The following FBXO31 variants were observed in gnomAD, a reference collection of about 807,000 sequenced individuals.
FBXO31 encodes F-box only protein 31.
In FBXO31, 24 loss-of-function variants were observed where a neutral mutation model predicts 54.4. The observed-to-expected ratio is 0.44, with a 90% CI of 0.32 to 0.62. The LOEUF is 0.62. Ranked by LOEUF, FBXO31 falls within the 20% of genes least tolerant of loss-of-function variation. The pLI is 0.05. For missense variants in FBXO31, 665 were observed against 787.1 expected (o/e 0.84, Z 1.86); for synonymous variants, 388 against 335.6 (o/e 1.16, Z -1.71).
At chr16:87,337,609 A>C (rs373786633) in intron 5 of FBXO31, among the ~76,000 whole-genome samples, 16 of 152,330 alleles carry the variant, frequency 1.1e-4, no homozygotes, top group African/African-American at 3.8e-4. Flanking sequence ...GGAGCCCAGA[A>C]ACCCTCATGT....
At chr16:87,362,733 G>C (rs1351078349) in intron 1 of FBXO31, 1 of 152,198 alleles carries the variant, frequency 6.6e-6, no homozygotes, top group Non-Finnish European at 1.5e-5. Flanking sequence ...GCCAATTTTT[G>C]TATTTTTAGT....
chr16:87,364,389 G>T (rs1906265466), intron 1 of FBXO31, among the ~76,000 whole-genome samples: 1 of 152,240 alleles, frequency 6.6e-6, no homozygotes, highest in African/African-American at 2.4e-5. Flanking sequence ...AGCAGGCCCT[G>T]GATGGCCAGG....
intron 1 of FBXO31, among the ~76,000 whole-genome samples, chr16:87,372,330 A>T (rs1906637706): frequency 1.3e-5 from 2 of 152,192 alleles, no homozygotes; most frequent in African/African-American, 4.8e-5. Context: ...TTGCAAAAAT[A>T]TAGAGAACTG....
intron 2 of FBXO31, among the ~76,000 whole-genome samples, 172 bp from the exon 3 acceptor site, chr16:87,347,422 G>A (rs550291967): frequency 4.0e-4 from 61 of 152,220 alleles, no homozygotes; most frequent in Middle Eastern, 3.4e-3. Flanking sequence ...GGCCGGGTGC[G>A]GTGGCTCACG....
chr16:87,347,056 T>G (rs1384664498), intron 3 of FBXO31, 118 bp downstream of exon 3: 2 of 881,842 alleles, frequency 2.3e-6, no homozygotes, highest in Non-Finnish European at 1.9e-6. Context: ...TTTTGGTAAT[T>G]ACCTCAAACG....
At position 87,336,020 on chromosome 16, in the gene FBXO31, C is replaced by T. The variant is rs1905036552; in HGVS notation, c.842+135G>A. On this transcript the variant is annotated intron_variant, in intron 6 of 8. Coordinates refer to ENST00000311635, the MANE Select transcript of FBXO31 (RefSeq NM_024735.5). This position sits in a 1 kb window ranked among gnomAD's most constrained non-coding sequence, Gnocchi z 6.5. Reference sequence around the variant, plus strand: ...AGAGAGAGGGGCTGTACTCCCAGCCCCCAGCAGGAGAGAGGGCTGAACCCC... The same window carrying T: ...AGAGAGAGGGGCTGTACTCCCAGCCTCCAGCAGGAGAGAGGGCTGAACCCC... The T allele has an allele frequency of 1.5e-6, 1 of 659,364 alleles. No individual in the cohort carries two copies. Among genetic ancestry groups the T allele is most frequent in the African/African-American group, 1.8e-5 (1 of 54,536 alleles). 40.8% of individuals were successfully genotyped at this position (659,364 alleles called of 1,614,324 possible).
At chr16:87,337,734 C>A (rs1230938071) in intron 5 of FBXO31, among the ~76,000 whole-genome samples, 1 of 152,092 alleles carries the variant, frequency 6.6e-6, no homozygotes, top group Non-Finnish European at 1.5e-5. Context: ...GGAACCACGA[C>A]CCCGCCTTAT....
intron 1 of FBXO31, among the ~76,000 whole-genome samples, chr16:87,374,908 C>A (rs1481026551): frequency 2.0e-5 from 3 of 152,190 alleles, no homozygotes; most frequent in African/African-American, 7.2e-5. Context: ...GCCGACTGGG[C>A]GTAATGGCTC....
intron 5 of FBXO31, among the ~76,000 whole-genome samples, chr16:87,340,333 T>A (rs1205152940): frequency 6.6e-6 from 1 of 152,174 alleles, no homozygotes; most frequent in Non-Finnish European, 1.5e-5. Flanking sequence ...GGTACTGACA[T>A]GTGGACAGAC....
At chr16:87,343,191 T>A (rs1044178814) in intron 4 of FBXO31, among the ~76,000 whole-genome samples, 1 of 152,176 alleles carries the variant, frequency 6.6e-6, no homozygotes, top group African/African-American at 2.4e-5. Context: ...TTTCCCAGCG[T>A]GACACAGAGC....
rs1188806353 is a variant in FBXO31 at position 87,383,567 on chromosome 16, G to A, written c.178C>T (p.Pro60Ser). 1.1e-5 allele frequency: 17 copies of A among 1,523,436 alleles called. No homozygotes were observed. The Admixed American group carries it at 3.0e-4, about 27-fold the overall frequency. 94.4% of individuals were successfully genotyped at this position (1,523,436 alleles called of 1,614,324 possible). A position where few individuals can be genotyped will look rare whatever the true frequency, so the allele number is the denominator to read the frequency against. Residue 60 changes from proline (P) to serine (S), a missense_variant, in exon 1 of 9, where the codon CCG becomes TCG. Physicochemically the swap from Pro to Ser is moderately conservative, Grantham distance 74. Transcript: ENST00000311635. The surrounding 1 kb of genome is among the most constrained non-coding windows in gnomAD (Gnocchi z 4.9). ...VGGGLCAGPSPPPPRCSLLEL... is the reference protein window; with the variant it reads ...VGGGLCAGPSSPPPRCSLLEL... Reference sequence around the variant, plus strand: ...AGCAGCGAGCAGCGCGGGGGCGGCGGCGAGGGGCCCGCGCACAAGCCGCCC... The same window carrying A: ...AGCAGCGAGCAGCGCGGGGGCGGCGACGAGGGGCCCGCGCACAAGCCGCCC...
chr16:87,365,013 ATATATAT>A (rs1906297419), intron 1 of FBXO31, among the ~76,000 whole-genome samples: 2 of 50,486 alleles, frequency 4.0e-5, no homozygotes, highest in African/African-American at 1.1e-4. Flanking sequence ...TCTCTTAAAT[ATATATAT>A]ATATATATAT....
intron 2 of FBXO31, among the ~76,000 whole-genome samples, chr16:87,348,567 A>G (rs1424495200): frequency 6.6e-6 from 1 of 152,102 alleles, no homozygotes. Context: ...ACCTGGCGGG[A>G]GGATAAGCCA....
intron 1 of FBXO31, among the ~76,000 whole-genome samples, chr16:87,364,764 G>A (rs949752649): frequency 2.6e-5 from 4 of 151,722 alleles, no homozygotes; most frequent in African/African-American, 4.8e-5. Context: ...GCTCATGCCT[G>A]TAATCCCAGC....
chr16:87,389,370 C>G (rs61365887), intron 1 of FBXO31, among the ~76,000 whole-genome samples: 3,213 of 152,244 alleles, frequency 0.021, 116 homozygotes, highest in African/African-American at 0.073. Flanking sequence ...CGCAGAGTAA[C>G]CCTGGCCCAT....
chr16:87,354,819 G>C (rs181849160), intron 2 of FBXO31, among the ~76,000 whole-genome samples: 40 of 152,128 alleles, frequency 2.6e-4, no homozygotes, highest in African/African-American at 9.6e-4. Flanking sequence ...AATACAAAAA[G>C]TAGCTGGGCA....
At chr16:87,376,722 C>A (rs979594195) in intron 1 of FBXO31, among the ~76,000 whole-genome samples, 39 of 152,358 alleles carry the variant, frequency 2.6e-4, no homozygotes, top group African/African-American at 8.9e-4. Flanking sequence ...CACCCTTATA[C>A]CTCTGCCAGG....
intron 1 of FBXO31, among the ~76,000 whole-genome samples, chr16:87,380,876 C>A (rs186358502): frequency 6.6e-6 from 1 of 152,296 alleles, no homozygotes; most frequent in East Asian, 1.9e-4. Context: ...AGAATTTATT[C>A]TGAGTTGTAA....
chr16:87,376,653 G>A lies in FBXO31; in HGVS notation c.340+6752C>T, dbSNP rs573042700. On this transcript the variant is annotated intron_variant, in intron 1 of 8. Coordinates refer to ENST00000311635, the MANE Select transcript of FBXO31 (RefSeq NM_024735.5). The stretch of plus-strand genomic sequence containing the variant: ...ACAGAAAGCAGACAAGTTGAAACTG[G>A]GTGGTAAACACAGAAATCAGCCTCA... 1.1e-4 allele frequency among the ~76,000 whole-genome samples: 17 copies of A among 152,280 alleles called. No homozygotes were observed. The East Asian group carries it at 2.7e-3, about 24-fold the overall frequency.
Sources: gnomAD v4.1 joint callset for allele counts (sites outside exome capture counted in the v4.1 genomes callset) on GRCh38, gnomAD v4.1.1 for gene constraint, Gnocchi (gnomAD v3.1) non-coding constraint, MANE v1.5 for transcripts, NCBI Gene and HGNC (gene_info 2026-07-23, HGNC 2026-07-21) for gene names.